Variants in EFNA5 observed in about 807,000 individuals in gnomAD.
The protein encoded by EFNA5 is ephrin A5.
In EFNA5, 5 loss-of-function variants were observed where a neutral mutation model predicts 22.9. That is an observed-to-expected ratio of 0.22 (90% CI 0.11 to 0.46). The LOEUF (loss-of-function observed/expected upper bound fraction) is 0.46. Ranked by LOEUF, EFNA5 falls within the 20% of genes least tolerant of loss-of-function variation. The pLI is 0.99. For synonymous variants in EFNA5, 113 were observed against 112.2 expected (o/e 1.01, Z -0.04); for missense variants, 237 against 293.3 (o/e 0.81, Z 1.40).
intron 1 of EFNA5, among the ~76,000 whole-genome samples, chr5:107,631,256 AACACACACAC>A (rs10616989): frequency 1.4e-5 from 2 of 145,666 alleles, no homozygotes; most frequent in African/African-American, 2.6e-5. Flanking sequence ...CCTGACTACA[AACACACACAC>A]ACACACACAC....
chr5:107,501,724 C>G (rs1458898208), intron 1 of EFNA5, among the ~76,000 whole-genome samples: 2 of 152,144 alleles, frequency 1.3e-5, no homozygotes, highest in African/African-American at 4.8e-5. Context: ...GTATTTTAAG[C>G]CTCACTTTGT....
intron 1 of EFNA5, among the ~76,000 whole-genome samples, chr5:107,666,519 G>C (rs919566562): frequency 1.3e-5 from 2 of 152,052 alleles, no homozygotes; most frequent in African/African-American, 2.4e-5. Flanking sequence ...AATTGAAAAA[G>C]TCCAAAGAAA....
intron 1 of EFNA5, among the ~76,000 whole-genome samples, chr5:107,516,174 T>TTGTGTGTGTG (rs59824895): frequency 0.14 from 19,616 of 139,420 alleles, 1,658 homozygotes; most frequent in Non-Finnish European, 0.19. Context: ...CTGGCTAGTT[T>TTGTGTGTGTG]TGTGTGTGTG....
intron 1 of EFNA5, among the ~76,000 whole-genome samples, chr5:107,460,836 C>T (rs1749818493): frequency 6.6e-6 from 1 of 152,150 alleles, no homozygotes; most frequent in Non-Finnish European, 1.5e-5. Context: ...AGGAATATGC[C>T]TATGTCATTA....
At chr5:107,545,033 A>G (rs1310133519) in intron 1 of EFNA5, among the ~76,000 whole-genome samples, 2 of 152,234 alleles carry the variant, frequency 1.3e-5, no homozygotes, top group African/African-American at 4.8e-5. Flanking sequence ...GATGACAAAC[A>G]TAACCGACAA....
At chr5:107,511,161 G>A (rs1747363084) in intron 1 of EFNA5, among the ~76,000 whole-genome samples, 1 of 151,936 alleles carries the variant, frequency 6.6e-6, no homozygotes, top group Non-Finnish European at 1.5e-5. Flanking sequence ...CTAGCAGCTG[G>A]GATAACAGGC....
chr5:107,519,198 T>C (rs1250389701), intron 1 of EFNA5, among the ~76,000 whole-genome samples: 1 of 152,228 alleles, frequency 6.6e-6, no homozygotes, highest in Non-Finnish European at 1.5e-5. Context: ...CCATGCAAAG[T>C]TTTAACCATC....
chr5:107,645,172 G>C (rs921294832), intron 1 of EFNA5, among the ~76,000 whole-genome samples: 3 of 152,154 alleles, frequency 2.0e-5, no homozygotes, highest in African/African-American at 7.2e-5. Flanking sequence ...ACTTACAAAT[G>C]TCTTCAGCTA....
chr5:107,579,181 CA>C (rs1289828141), intron 1 of EFNA5, among the ~76,000 whole-genome samples: 2 of 152,042 alleles, frequency 1.3e-5, no homozygotes, highest in African/African-American at 4.8e-5. Flanking sequence ...CATTATAGTG[CA>C]AAAAGCTTTG....
At chr5:107,591,849 TATATA>T (rs1383097669) in intron 1 of EFNA5, among the ~76,000 whole-genome samples, 1 of 84,588 alleles carries the variant, frequency 1.2e-5, no homozygotes, top group Non-Finnish European at 2.2e-5. Context: ...ATATAAAATA[TATATA>T]ATATAAAAAA....
chr5:107,459,792 C>A (rs1749787771), intron 1 of EFNA5, among the ~76,000 whole-genome samples: 1 of 152,096 alleles, frequency 6.6e-6, no homozygotes, highest in African/African-American at 2.4e-5. Context: ...CTCAGTGGGG[C>A]AGCACCACCT....
intron 1 of EFNA5, among the ~76,000 whole-genome samples, chr5:107,581,938 G>A (rs1437013172): frequency 1.3e-5 from 2 of 152,098 alleles, no homozygotes; most frequent in African/African-American, 4.8e-5. Context: ...ATGCAAAGAA[G>A]TAAAAGAAAA....
At chr5:107,391,396 TA>T (rs1747792558) in intron 2 of EFNA5, among the ~76,000 whole-genome samples, 1 of 152,072 alleles carries the variant, frequency 6.6e-6, no homozygotes, top group Non-Finnish European at 1.5e-5. Flanking sequence ...CAGACATGTT[TA>T]TCAGAGGCTT....
At chr5:107,561,227 T>C (rs1748534721) in intron 1 of EFNA5, among the ~76,000 whole-genome samples, 1 of 152,196 alleles carries the variant, frequency 6.6e-6, no homozygotes, top group South Asian at 2.1e-4. Flanking sequence ...GCCATGATTT[T>C]GGTCTTTACA....
chr5:107,578,879 A>G (rs2112492823), intron 1 of EFNA5, among the ~76,000 whole-genome samples: 1 of 152,370 alleles, frequency 6.6e-6, no homozygotes, highest in East Asian at 1.9e-4. Context: ...CCAGTGCCTA[A>G]GACCCCAGCA....
At chr5:107,612,702 G>A (rs941148241) in intron 1 of EFNA5, among the ~76,000 whole-genome samples, 3 of 152,246 alleles carry the variant, frequency 2.0e-5, no homozygotes, top group South Asian at 2.1e-4. Flanking sequence ...AAAGCTGTGA[G>A]CAGCTCTCCA....
rs368270743 is a variant in EFNA5 at position 107,563,737 on chromosome 5, G to A, written c.125+106752C>T. ...ATAACAGGCATGAGCCACTGCACCC[G>A]GCCATGCTTTCTTTTCCTTTCCTTG... On this transcript the variant is annotated intron_variant, in intron 1 of 4. Coordinates refer to ENST00000333274, the MANE Select transcript of EFNA5 (RefSeq NM_001962.3). Among the ~76,000 whole-genome samples, 23 of 152,212 alleles carry A rather than the reference G, an allele frequency of 1.5e-4. No homozygotes were observed. In the East Asian group the frequency reaches 2.3e-3, roughly 15 times the overall value.
At chr5:107,566,231 T>C (rs909369257) in intron 1 of EFNA5, among the ~76,000 whole-genome samples, 1 of 152,186 alleles carries the variant, frequency 6.6e-6, no homozygotes, top group African/African-American at 2.4e-5. Flanking sequence ...CTATTTTTCA[T>C]GTATATTTGA....
At chr5:107,559,534 A>G (rs1470368487) in intron 1 of EFNA5, among the ~76,000 whole-genome samples, 1 of 152,222 alleles carries the variant, frequency 6.6e-6, no homozygotes, top group Non-Finnish European at 1.5e-5. Context: ...AATATAATTC[A>G]TAACGAATGC....
Sources: gnomAD v4.1 joint callset for allele counts (sites outside exome capture counted in the v4.1 genomes callset) on GRCh38, gnomAD v4.1.1 for gene constraint, MANE v1.5 for transcripts, NCBI Gene and HGNC (gene_info 2026-07-23, HGNC 2026-07-21) for gene names.